MRPL42: variants seen among roughly 807,000 people sequenced by gnomAD.
MRPL42 encodes mitochondrial ribosomal protein L42, also known as large ribosomal subunit protein mL42.
Under a neutral mutation model 17.9 loss-of-function variants are expected in MRPL42, and 17 were observed. The ratio of observed to expected loss-of-function variants is 0.95; its 90% CI spans 0.65 to 1.42. MRPL42 has a LOEUF of 1.42. Among genes scored for constraint, MRPL42 ranks in the 40% most tolerant of loss-of-function variants. The pLI is 0.00. For missense variants in MRPL42, 177 were observed against 175.2 expected, an observed-to-expected ratio of 1.01 and a Z score of -0.06; for synonymous variants, 59 against 54.4, an observed-to-expected ratio of 1.08 and a Z score of -0.37.
intron 4 of MRPL42, among the ~76,000 whole-genome samples, chr12:93,480,191 G>A (rs989862560): frequency 6.6e-6 from 1 of 152,062 alleles, no homozygotes; most frequent in Admixed American, 6.6e-5. Flanking sequence ...GCGTGATCCG[G>A]CTCACTGCAG....
chr12:93,482,095 A>G (rs1880493656), intron 4 of MRPL42, among the ~76,000 whole-genome samples: 2 of 152,208 alleles, frequency 1.3e-5, no homozygotes, highest in South Asian at 4.1e-4. Flanking sequence ...TAATCACCCC[A>G]CTGCCACCAT....
intron 2 of MRPL42, 43 bp from the exon 3 acceptor site, chr12:93,476,911 C>T (rs372700711): frequency 2.1e-5 from 32 of 1,525,924 alleles, no homozygotes; most frequent in East Asian, 1.4e-4. Flanking sequence ...AGAAAATATG[C>T]TCAAATTAAC....
At chr12:93,486,855 G>A (rs537556746) in intron 4 of MRPL42, among the ~76,000 whole-genome samples, 9 of 150,892 alleles carry the variant, frequency 6.0e-5, no homozygotes, top group African/African-American at 1.7e-4. Flanking sequence ...GTAGAGACAC[G>A]GTCTCGCTGT....
At position 93,504,142 on chromosome 12, in the gene MRPL42, T is replaced by C. The variant is rs1321958339; in HGVS notation, c.*2921T>C. 1.3e-5 allele frequency: 2 copies of C among 154,124 alleles called. No individual in the cohort carries two copies. The highest frequency in any genetic ancestry group is 4.8e-5 in the African/African-American group (2 of 41,496). The allele number at this position is 154,124 out of a possible 1,614,324, so 9.5% of individuals were successfully genotyped here. A position where few individuals can be genotyped will look rare whatever the true frequency, so the allele number is the denominator to read the frequency against. ...CATTTTTAAAGTCAGTGGTTTAAAC[T>C]GTATACTTTTTGGGTTTTGGAGATG... is the stretch of plus-strand genomic sequence containing the variant. On this transcript the variant is annotated 3_prime_UTR_variant, in exon 6 of 6. Coordinates refer to ENST00000549982, the MANE Select transcript of MRPL42 (RefSeq NM_014050.4).
rs1210261484 is a variant in MRPL42 at position 93,506,193 on chromosome 12, AC to A, written c.*4973del. 6 of 148,726 alleles carry A rather than the reference AC, an allele frequency of 4.0e-5. No homozygotes were observed. The highest frequency in any genetic ancestry group is 1.5e-4 in the African/African-American group (6 of 39,980). 9.2% of individuals were successfully genotyped at this position (148,726 alleles called of 1,614,324 possible). On this transcript the variant is annotated 3_prime_UTR_variant, in exon 6 of 6. Coordinates refer to ENST00000549982, the MANE Select transcript of MRPL42 (RefSeq NM_014050.4). ...TCTGCCCACCTTGGCCCCCCAAAAT[AC>A]TGGGATTACAAGGGTGAGCCACTGT...
chr12:93,513,629 T>C lies in MRPL42; in HGVS notation c.*12408T>C, dbSNP rs1410948382. 1 of 152,222 alleles carries C rather than the reference T, an allele frequency of 6.6e-6. No homozygotes were observed. Among genetic ancestry groups the C allele is most frequent in the Non-Finnish European group, 1.5e-5 (1 of 68,040 alleles). 9.4% of individuals were successfully genotyped at this position (152,222 alleles called of 1,614,324 possible). ...TTGAGTTATAGAAATTATATTAATCTTAAATTCACATTTTCAGTGAAAGTT... is the reference window on the plus strand; with the variant it reads ...TTGAGTTATAGAAATTATATTAATCCTAAATTCACATTTTCAGTGAAAGTT... On this transcript the variant is annotated 3_prime_UTR_variant, in exon 6 of 6. Transcript: ENST00000549982.
intron 5 of MRPL42, chr12:93,488,313 G>T: frequency 2.5e-6 from 1 of 398,408 alleles, no homozygotes; most frequent in East Asian, 3.6e-5. Flanking sequence ...TCACTGTGTT[G>T]CGCAGGCTGA....
chr12:93,483,830 T>C (rs1284422959), intron 4 of MRPL42, among the ~76,000 whole-genome samples: 1 of 152,248 alleles, frequency 6.6e-6, no homozygotes, highest in Admixed American at 6.5e-5. Flanking sequence ...TCTTTTGTAA[T>C]AACACTTAGC....
At chr12:93,494,685 A>G (rs1241047183) in intron 5 of MRPL42, among the ~76,000 whole-genome samples, 2 of 149,394 alleles carry the variant, frequency 1.3e-5, no homozygotes, top group Admixed American at 6.7e-5. Flanking sequence ...TTTGGAAGTC[A>G]TCATCACACA....
intron 5 of MRPL42, among the ~76,000 whole-genome samples, chr12:93,500,190 A>G (rs571007525): frequency 2.8e-4 from 42 of 152,310 alleles, no homozygotes; most frequent in African/African-American, 9.6e-4. Context: ...CATACTGTAT[A>G]TGTAAATTTT....
At chr12:93,487,367 A>T in intron 4 of MRPL42, 130 bp from the exon 5 acceptor site, 1 of 742,458 alleles carries the variant, frequency 1.3e-6, no homozygotes, top group Admixed American at 3.3e-5. Flanking sequence ...CTTTGTTTTG[A>T]TAACTTATTT....
At chr12:93,483,805 T>G (rs1880579119) in intron 4 of MRPL42, among the ~76,000 whole-genome samples, 1 of 152,210 alleles carries the variant, frequency 6.6e-6, no homozygotes. Context: ...TAAAAAAAAT[T>G]TAATACTTTT....
At chr12:93,478,838 T>C (rs1880313358) in intron 3 of MRPL42, among the ~76,000 whole-genome samples, 1 of 152,170 alleles carries the variant, frequency 6.6e-6, no homozygotes, top group African/African-American at 2.4e-5. Context: ...TTCATTTGTG[T>C]CCTGTGTTAT....
chr12:93,477,313 A>G (rs976365653), intron 3 of MRPL42, among the ~76,000 whole-genome samples: 1 of 152,138 alleles, frequency 6.6e-6, no homozygotes. Flanking sequence ...GGAAAAGTTA[A>G]TTAGTTTTTA....
chr12:93,469,398 T>A, intron 2 of MRPL42, 43 bp downstream of exon 2: 1 of 1,389,904 alleles, frequency 7.2e-7, no homozygotes, highest in Non-Finnish European at 9.9e-7. Context: ...TTTAAACTTT[T>A]AAGAATTAAG....
In MRPL42 at chr12:93,490,169, A is replaced by G. The variant is rs148415667; in HGVS notation, c.383+2509A>G. On this transcript the variant is annotated intron_variant, in intron 5 of 5. Transcript: ENST00000549982. ...TTCATAACCAAATCACTCTAAAGGT[A>G]TGTAACTTGACGGAGACAAGACTGA... Among the ~76,000 whole-genome samples, 111 of 152,338 alleles carry G rather than the reference A, an allele frequency of 7.3e-4. 1 individual carries two copies. Among genetic ancestry groups the G allele is most frequent in the Middle Eastern group, 6.8e-3 (2 of 294 alleles).
chr12:93,477,495 C>T (rs1411580113), intron 3 of MRPL42, among the ~76,000 whole-genome samples: 1 of 152,192 alleles, frequency 6.6e-6, no homozygotes, highest in Non-Finnish European at 1.5e-5. Context: ...TTCTCTGCAG[C>T]AGAGTCTGAT....
intron 1 of MRPL42, among the ~76,000 whole-genome samples, chr12:93,467,951 C>G (rs1351138635): frequency 6.6e-6 from 1 of 152,212 alleles, no homozygotes; most frequent in African/African-American, 2.4e-5. Flanking sequence ...TGACTCCCAG[C>G]AGGGCGTGCT....
intron 5 of MRPL42, among the ~76,000 whole-genome samples, chr12:93,495,534 A>G (rs771310534): frequency 3.3e-5 from 5 of 152,128 alleles, no homozygotes; most frequent in Non-Finnish European, 7.4e-5. Flanking sequence ...TGGCCCACAC[A>G]TTTAATAGTA....
Sources: gnomAD v4.1 joint callset for allele counts (sites outside exome capture counted in the v4.1 genomes callset) on GRCh38, gnomAD v4.1.1 for gene constraint, MANE v1.5 for transcripts, NCBI Gene and HGNC (gene_info 2026-07-23, HGNC 2026-07-21) for gene names.